Variants in PRELID3A observed in about 807,000 individuals in gnomAD.
The protein encoded by PRELID3A is PRELI domain containing protein 3A.
PRELID3A carries 27 observed loss-of-function variants against 23.0 expected under a neutral mutation model. The ratio of observed to expected loss-of-function variants is 1.17; its 90% CI spans 0.87 to 1.62. PRELID3A has a LOEUF of 1.62. PRELID3A is among the 40% of genes most tolerant of loss of function. PRELID3A has a pLI of 0.00. For missense variants in PRELID3A, 231 were observed against 231.4 expected (o/e 1.00, Z 0.01); for synonymous variants, 87 against 86.4 (o/e 1.01, Z -0.04).
chr18:12,427,193 A>C (rs1374207187), intron 4 of PRELID3A, 28 bp from the exon 5 acceptor site: 1 of 1,608,470 alleles, frequency 6.2e-7, no homozygotes, highest in African/African-American at 1.3e-5. Flanking sequence ...AGGGCTGGTC[A>C]GCCCCTTTTC....
chr18:12,429,971 A>G (rs927710280), intron 6 of PRELID3A, among the ~76,000 whole-genome samples: 11 of 152,202 alleles, frequency 7.2e-5, no homozygotes, highest in Admixed American at 6.5e-4. Context: ...CAGCAGCTGG[A>G]CTTCTAGTGG....
chr18:12,414,885 G>C (rs2029897176), intron 1 of PRELID3A, among the ~76,000 whole-genome samples: 1 of 152,138 alleles, frequency 6.6e-6, no homozygotes, highest in Non-Finnish European at 1.5e-5. Context: ...ACTTGGTGGT[G>C]GGGTATAGCA....
chr18:12,416,807 G>A (rs1026973596), intron 1 of PRELID3A, among the ~76,000 whole-genome samples: 1 of 151,864 alleles, frequency 6.6e-6, no homozygotes, highest in Non-Finnish European at 1.5e-5. Flanking sequence ...CACCGTGCCC[G>A]GCTAATTTTT....
chr18:12,421,215 A>C, intron 2 of PRELID3A: 1 of 305,734 alleles, frequency 3.3e-6, no homozygotes, highest in East Asian at 8.4e-5. Flanking sequence ...CCCCAGCACT[A>C]TGGTGGTACC....
In PRELID3A at chr18:12,407,947, C is replaced by T. The variant is rs757032496; in HGVS notation, c.-29C>T. 4 of 1,292,120 alleles carry T rather than the reference C, an allele frequency of 3.1e-6. No individual in the cohort carries two copies. The highest frequency in any genetic ancestry group is 3.9e-6 in the Non-Finnish European group (4 of 1,022,614). 80.0% of individuals were successfully genotyped at this position (1,292,120 alleles called of 1,614,324 possible). On this transcript the variant is annotated 5_prime_UTR_variant, in exon 1 of 7. Coordinates refer to ENST00000440960, the MANE Select transcript of PRELID3A (RefSeq NM_001142405.2). The stretch of plus-strand genomic sequence containing the variant: ...GCGGCCCGAAGCACCCGGCCCGGAT[C>T]GCAGAGCCCGCGCCCTGCGCCGGCG...
intron 5 of PRELID3A, among the ~76,000 whole-genome samples, chr18:12,428,732 G>A (rs1045842111): frequency 3.3e-5 from 5 of 152,302 alleles, no homozygotes; most frequent in Admixed American, 6.5e-5. Context: ...GAAGGAGACC[G>A]GATCTCACCC....
intron 1 of PRELID3A, among the ~76,000 whole-genome samples, chr18:12,409,168 T>TG (rs939306426): frequency 3.7e-5 from 5 of 135,060 alleles, no homozygotes; most frequent in African/African-American, 1.4e-4. Context: ...GGTTTTTTTT[T>TG]TTTTTTTTTT....
At chr18:12,426,931 C>T in intron 3 of PRELID3A, 110 bp from the exon 4 acceptor site, 1 of 736,538 alleles carries the variant, frequency 1.4e-6, no homozygotes, top group Non-Finnish European at 2.4e-6. Flanking sequence ...CTAAAAGTTT[C>T]TTCTGTTCTG....
chr18:12,415,735 C>A (rs1034071495), intron 1 of PRELID3A, among the ~76,000 whole-genome samples: 1 of 152,178 alleles, frequency 6.6e-6, no homozygotes, highest in Non-Finnish European at 1.5e-5. Flanking sequence ...TAGGCAAATC[C>A]CAGACATCAT....
intron 3 of PRELID3A, among the ~76,000 whole-genome samples, chr18:12,423,333 G>T (rs114093171): frequency 6.6e-6 from 1 of 152,156 alleles, no homozygotes; most frequent in African/African-American, 2.4e-5. Flanking sequence ...GTTGTGTGTT[G>T]GGAAGAATAC....
intron 1 of PRELID3A, among the ~76,000 whole-genome samples, chr18:12,413,496 A>G (rs904049629): frequency 1.3e-5 from 2 of 152,230 alleles, no homozygotes; most frequent in Non-Finnish European, 2.9e-5. Context: ...CATTTGGAAT[A>G]TAGGCCTCCA....
intron 1 of PRELID3A, among the ~76,000 whole-genome samples, chr18:12,413,773 G>T (rs527763334): frequency 6.6e-6 from 1 of 152,064 alleles, no homozygotes; most frequent in Non-Finnish European, 1.5e-5. Flanking sequence ...TAGTAGAGAC[G>T]GGGTTTCGCC....
In PRELID3A at chr18:12,409,585, G is replaced by C. The variant is rs183824838; in HGVS notation, c.32+1578G>C. On this transcript the variant is annotated intron_variant, in intron 1 of 6. Transcript: ENST00000440960. ...TCTAATTTTTTGTATGGCTTGCAGT[G>C]TTTCTCAAGTGGGTTTCCATCAGCA... Among the ~76,000 whole-genome samples, 3 of 152,260 alleles carry C rather than the reference G, an allele frequency of 2.0e-5. No homozygotes were observed. The East Asian group carries it at 5.8e-4, about 29-fold the overall frequency.
At chr18:12,418,567 G>C (rs2030036739) in intron 1 of PRELID3A, among the ~76,000 whole-genome samples, 2 of 152,230 alleles carry the variant, frequency 1.3e-5, no homozygotes. Context: ...CCTCTGGGCT[G>C]TGTCTATACA....
chr18:12,421,286 C>T (rs1490330697), intron 2 of PRELID3A: 3 of 474,084 alleles, frequency 6.3e-6, no homozygotes, highest in Admixed American at 3.8e-5. Flanking sequence ...CTCCACTGCC[C>T]GCAGCCTGTT....
At chr18:12,414,741 C>G (rs949985842) in intron 1 of PRELID3A, among the ~76,000 whole-genome samples, 1 of 151,806 alleles carries the variant, frequency 6.6e-6, no homozygotes, top group African/African-American at 2.4e-5. Context: ...CCCCCCACCC[C>G]TCCACCCCCA....
intron 1 of PRELID3A, chr18:12,420,090 G>T: frequency 7.1e-7 from 1 of 1,402,592 alleles, no homozygotes; most frequent in Non-Finnish European, 9.3e-7. Flanking sequence ...GGGCGACAGA[G>T]TGAGACCCTG....
At chr18:12,420,032 G>A (rs1473835725) in intron 1 of PRELID3A, 3 of 931,086 alleles carry the variant, frequency 3.2e-6, no homozygotes, top group Non-Finnish European at 4.4e-6. Context: ...AGCCTGGGAG[G>A]TTTGAGTCTG....
Position 12,427,211 on chromosome 18 carries a change from T to C in PRELID3A, c.363-10T>C, listed in dbSNP as rs751828278. ...GCTGGTCAGCCCCTTTTCTTCTTGC[T>C]CTTTTGCAGGACCGTGCTCACACAA... is the stretch of plus-strand genomic sequence containing the variant. On this transcript the variant is annotated splice_polypyrimidine_tract_variant and intron_variant, in intron 4 of 6. Coordinates refer to ENST00000440960, the MANE Select transcript of PRELID3A (RefSeq NM_001142405.2). 6.2e-7 allele frequency: 1 copy of C among 1,613,632 alleles called. No homozygotes were observed. The highest frequency in any genetic ancestry group is 1.1e-5 in the South Asian group (1 of 90,988).
Sources: allele counts gnomAD v4.1 joint callset (sites outside exome capture counted in the v4.1 genomes callset), GRCh38; gene constraint gnomAD v4.1.1; transcripts MANE v1.5; gene names NCBI Gene and HGNC (gene_info 2026-07-23, HGNC 2026-07-21).